Variants in SNTG1 observed in about 807,000 individuals in gnomAD.
SNTG1 encodes the protein gamma-1-syntrophin.
Under a neutral mutation model 74.7 loss-of-function variants are expected in SNTG1, and 39 were observed. The ratio of observed to expected loss-of-function variants is 0.52; its 90% CI spans 0.40 to 0.68. The LOEUF is 0.68. Ranked by LOEUF, SNTG1 falls within the 30% of genes least tolerant of loss-of-function variation. The pLI is 0.00. For synonymous variants in SNTG1, 254 were observed against 217.1 expected, an observed-to-expected ratio of 1.17 and a Z score of -1.49; for missense variants, 685 against 609.5, an observed-to-expected ratio of 1.12 and a Z score of -1.30.
Position 50,292,409 on chromosome 8 carries a change from G to A in SNTG1, c.-27-101803G>A, listed in dbSNP as rs1322736456. 1.4e-4 allele frequency among the ~76,000 whole-genome samples: 21 copies of A among 152,242 alleles called. No homozygotes were observed. The East Asian group carries it at 4.1e-3, about 29-fold the overall frequency. The stretch of plus-strand genomic sequence containing the variant: ...ATGGTCAATGATGCTGCGGTCCTGA[G>A]GAACAACTGAAGGATTTTCAACTGG... On this transcript the variant is annotated intron_variant, in intron 2 of 18. Transcript: ENST00000642720.
chr8:50,716,668 A>C (rs1004719533), intron 17 of SNTG1, among the ~76,000 whole-genome samples: 3 of 152,176 alleles, frequency 2.0e-5, no homozygotes, highest in Non-Finnish European at 4.4e-5. Context: ...ATTCAAAAAA[A>C]CCCAACTTTT....
chr8:49,969,672 C>T (rs189121846), intron 1 of SNTG1, among the ~76,000 whole-genome samples: 1 of 152,198 alleles, frequency 6.6e-6, no homozygotes, highest in Non-Finnish European at 1.5e-5. Flanking sequence ...GCTCAGATTA[C>T]AGGAGTGAGT....
At chr8:50,765,719 G>C (rs983429704) in intron 18 of SNTG1, among the ~76,000 whole-genome samples, 8 of 151,900 alleles carry the variant, frequency 5.3e-5, no homozygotes, top group African/African-American at 1.9e-4. Context: ...CCAATGAATA[G>C]TGACAAAAAA....
chr8:49,963,045 C>T (rs1047330800), intron 1 of SNTG1, among the ~76,000 whole-genome samples: 6 of 152,184 alleles, frequency 3.9e-5, no homozygotes, highest in African/African-American at 1.4e-4. Flanking sequence ...GTGACCGTCT[C>T]CTTGCAGTTT....
At chr8:50,114,016 T>A (rs558537689) in intron 1 of SNTG1, among the ~76,000 whole-genome samples, 1 of 152,172 alleles carries the variant, frequency 6.6e-6, no homozygotes, top group South Asian at 2.1e-4. Context: ...AAAACGACGT[T>A]TGACAAGATT....
chr8:50,134,818 T>C (rs1003773292), intron 1 of SNTG1, among the ~76,000 whole-genome samples: 16 of 152,134 alleles, frequency 1.1e-4, no homozygotes, highest in Admixed American at 6.6e-4. Context: ...AGTGTTCACT[T>C]TGAACAGGAG....
At position 50,212,111 on chromosome 8, in the gene SNTG1, G is replaced by T. The variant is rs555923322; in HGVS notation, c.-28+39476G>T. On this transcript the variant is annotated intron_variant, in intron 2 of 18. Coordinates refer to ENST00000642720, the MANE Select transcript of SNTG1 (RefSeq NM_018967.5). Reference sequence around the variant, plus strand: ...ATTTTACATCTTTCTCTCAAAACTGGTTTTTTTTTCTCTCATTTTCTTCAT... The same window carrying T: ...ATTTTACATCTTTCTCTCAAAACTGTTTTTTTTTTCTCTCATTTTCTTCAT... Among the ~76,000 whole-genome samples, 227 of 151,014 alleles carry T rather than the reference G, an allele frequency of 1.5e-3. 1 individual carries two copies. Among genetic ancestry groups the T allele is most frequent in the African/African-American group, 4.7e-3 (195 of 41,144 alleles).
At position 50,474,869 on chromosome 8, in the gene SNTG1, T is replaced by C. The variant is rs376723507; in HGVS notation, c.363+24140T>C. 5.3e-5 allele frequency among the ~76,000 whole-genome samples: 8 copies of C among 152,026 alleles called. No homozygotes were observed. In the East Asian group the frequency reaches 7.8e-4, roughly 15 times the overall value. On this transcript the variant is annotated intron_variant, in intron 8 of 18. Transcript: ENST00000642720. ...TAGACTGGATTAAGAAAATGTGGCA[T>C]ATATACACCATGGAATACTATGCAG...
At chr8:50,487,310 C>T (rs2093804750) in intron 8 of SNTG1, among the ~76,000 whole-genome samples, 1 of 152,140 alleles carries the variant, frequency 6.6e-6, no homozygotes, top group Non-Finnish European at 1.5e-5. Flanking sequence ...ATTAGAAATA[C>T]CATTTGACCC....
chr8:50,291,161 C>CATA (rs1407245067), intron 2 of SNTG1, among the ~76,000 whole-genome samples: 1 of 152,048 alleles, frequency 6.6e-6, no homozygotes, highest in African/African-American at 2.4e-5. Context: ...GAACAAAAGA[C>CATA]ATAAGGTCTC....
chr8:50,219,510 T>C (rs533816657), intron 2 of SNTG1, among the ~76,000 whole-genome samples: 1 of 152,120 alleles, frequency 6.6e-6, no homozygotes, highest in Non-Finnish European at 1.5e-5. Flanking sequence ...TGGCTCATGG[T>C]TCCACAGGTT....
At chr8:50,384,423 A>G (rs4367563) in intron 2 of SNTG1, among the ~76,000 whole-genome samples, 151,741 of 152,322 alleles carry the variant, frequency 1, 75,586 homozygotes, top group Middle Eastern at 1. Context: ...TGTGTATAGG[A>G]AAGGCAAATT....
chr8:50,518,785 A>G (rs1282781633), intron 9 of SNTG1, among the ~76,000 whole-genome samples: 2 of 152,164 alleles, frequency 1.3e-5, no homozygotes, highest in Non-Finnish European at 1.5e-5. Context: ...TAGGCCAATA[A>G]CAAGTTCTGA....
chr8:50,398,090 C>T (rs1397689568), intron 3 of SNTG1, among the ~76,000 whole-genome samples: 9 of 152,232 alleles, frequency 5.9e-5, no homozygotes, highest in Admixed American at 6.5e-5. Context: ...CAGAGGAGCT[C>T]TGAATCTAAT....
intron 2 of SNTG1, among the ~76,000 whole-genome samples, chr8:50,240,512 T>C (rs1373023379): frequency 2.0e-5 from 3 of 152,192 alleles, no homozygotes; most frequent in Non-Finnish European, 2.9e-5. Flanking sequence ...CTTTGTGACT[T>C]CTTAGAACAA....
At chr8:50,227,651 TA>T (rs2085399890) in intron 2 of SNTG1, among the ~76,000 whole-genome samples, 2 of 151,640 alleles carry the variant, frequency 1.3e-5, no homozygotes, top group African/African-American at 4.8e-5. Context: ...GCAGCTCCAG[TA>T]AAATATCAGT....
At position 50,225,338 on chromosome 8, in the gene SNTG1, C is replaced by A. The variant is rs571860651; in HGVS notation, c.-28+52703C>A. Among the ~76,000 whole-genome samples the A allele has an allele frequency of 3.9e-5, 6 of 152,224 alleles. No homozygotes were observed. The East Asian group carries it at 9.7e-4, about 25-fold the overall frequency. On this transcript the variant is annotated intron_variant, in intron 2 of 18. Coordinates refer to ENST00000642720, the MANE Select transcript of SNTG1 (RefSeq NM_018967.5). ...TAATAAGAACCTTGGTCTCCACAAC[C>A]CCTTATCTTAACCCAGACACTTATT...
At chr8:50,212,874 T>C (rs1436417974) in intron 2 of SNTG1, among the ~76,000 whole-genome samples, 1 of 152,106 alleles carries the variant, frequency 6.6e-6, no homozygotes, top group African/African-American at 2.4e-5. Context: ...TGAATAGAAG[T>C]TTTGGCTGGA....
chr8:50,698,918 T>C (rs1332905630), intron 15 of SNTG1, among the ~76,000 whole-genome samples: 1 of 152,154 alleles, frequency 6.6e-6, no homozygotes, highest in Non-Finnish European at 1.5e-5. Flanking sequence ...CTCTTCTCAT[T>C]TTCAGCCAGT....
Sources: allele counts gnomAD v4.1 joint callset (sites outside exome capture counted in the v4.1 genomes callset), GRCh38; gene constraint gnomAD v4.1.1; transcripts MANE v1.5; gene names NCBI Gene and HGNC (gene_info 2026-07-23, HGNC 2026-07-21).